FAM184B: variants seen among roughly 807,000 people sequenced by gnomAD.
FAM184B encodes the protein protein FAM184B.
In FAM184B, 111 loss-of-function variants were observed where a neutral mutation model predicts 135.9. That is an observed-to-expected ratio of 0.82 (90% confidence interval 0.70 to 0.96). The LOEUF is 0.96. Ranked by LOEUF, FAM184B falls within the 40% of genes least tolerant of loss-of-function variation. The pLI, the probability that FAM184B is intolerant of heterozygous loss-of-function variation, is 0.00. For missense variants in FAM184B, 1,375 were observed against 1,323.9 expected (o/e 1.04, Z -0.60); for synonymous variants, 552 against 524.8 (o/e 1.05, Z -0.71).
intron 1 of FAM184B, among the ~76,000 whole-genome samples, chr4:17,729,498 C>G (rs1717723528): frequency 6.6e-6 from 1 of 152,218 alleles, no homozygotes; most frequent in Admixed American, 6.5e-5. Context: ...AGGCACCCCC[C>G]AGTAGGGGCA....
At chr4:17,746,341 A>T (rs1383326664) in intron 1 of FAM184B, among the ~76,000 whole-genome samples, 1 of 152,154 alleles carries the variant, frequency 6.6e-6, no homozygotes, top group Non-Finnish European at 1.5e-5. Context: ...GACTGGCTGA[A>T]AACTCTACAC....
intron 1 of FAM184B, among the ~76,000 whole-genome samples, chr4:17,748,103 G>GAAAAAAAA (rs58795222): frequency 1.6e-4 from 11 of 70,304 alleles, no homozygotes; most frequent in African/African-American, 5.4e-4. Context: ...GACTCCGTCT[G>GAAAAAAAA]AAAAAAAAAA....
chr4:17,718,181 T>C (rs924624796), intron 1 of FAM184B, among the ~76,000 whole-genome samples: 11 of 152,326 alleles, frequency 7.2e-5, no homozygotes, highest in Non-Finnish European at 1.5e-4. Context: ...ACAGCACTCT[T>C]AAGCACTTAA....
intron 1 of FAM184B, among the ~76,000 whole-genome samples, chr4:17,724,395 G>A (rs1195271929): frequency 6.6e-6 from 1 of 152,158 alleles, no homozygotes; most frequent in African/African-American, 2.4e-5. Flanking sequence ...AGAAGCCTGG[G>A]ACACAGCCCT....
chr4:17,639,127 C>G lies in FAM184B; in HGVS notation c.2666+123G>C, dbSNP rs773738996. On this transcript the variant is annotated intron_variant, in intron 14 of 17. Coordinates refer to ENST00000265018, the MANE Select transcript of FAM184B (RefSeq NM_015688.2). ...GGATTCCAGGCATGAGCCACCGTGC[C>G]TGGCCAGAACCCAGGACTTTCAATT... The G allele has an allele frequency of 4.9e-5, 51 of 1,030,624 alleles. 2 individuals carry two copies. The East Asian group carries it at 7.6e-4, about 15-fold the overall frequency. The allele number at this position is 1,030,624 out of a possible 1,614,324, so 63.8% of individuals were successfully genotyped here.
At chr4:17,659,087 A>G (rs953186205) in intron 9 of FAM184B, among the ~76,000 whole-genome samples, 5 of 151,614 alleles carry the variant, frequency 3.3e-5, no homozygotes, top group Non-Finnish European at 7.4e-5. Context: ...TAAAATATAC[A>G]TATCATTATA....
intron 7 of FAM184B, among the ~76,000 whole-genome samples, chr4:17,676,157 C>T (rs1309866594): frequency 6.6e-6 from 1 of 152,206 alleles, no homozygotes; most frequent in African/African-American, 2.4e-5. Flanking sequence ...AGATATGCAA[C>T]TCTTCTTTTC....
chr4:17,766,084 G>T (rs150191953), intron 1 of FAM184B, among the ~76,000 whole-genome samples: 1 of 152,180 alleles, frequency 6.6e-6, no homozygotes, highest in Non-Finnish European at 1.5e-5. Context: ...GTAAGCCACA[G>T]GAAGATTTAT....
At position 17,636,513 on chromosome 4, in the gene FAM184B, C is replaced by G. The variant is rs746563665; in HGVS notation, c.2784+15G>C. On this transcript the variant is annotated intron_variant, in intron 15 of 17. Coordinates refer to ENST00000265018, the MANE Select transcript of FAM184B (RefSeq NM_015688.2). ...CGGCCAGGTGCGTGGGTGAGGCGCCCCCTGACAGCCTCACCGTGAGCTGCT... is the reference window on the plus strand; with the variant it reads ...CGGCCAGGTGCGTGGGTGAGGCGCCGCCTGACAGCCTCACCGTGAGCTGCT... 5 of 1,546,750 alleles carry G rather than the reference C, an allele frequency of 3.2e-6. No individual in the cohort carries two copies. Among genetic ancestry groups the G allele is most frequent in the East Asian group, 2.4e-5 (1 of 40,856 alleles).
chr4:17,766,158 T>G (rs565783671), intron 1 of FAM184B, among the ~76,000 whole-genome samples: 8 of 152,342 alleles, frequency 5.3e-5, no homozygotes, highest in Non-Finnish European at 1.2e-4. Flanking sequence ...GGCAGCCTGC[T>G]TTTATTCCCT....
chr4:17,634,568 C>T (rs1715066333), intron 16 of FAM184B, among the ~76,000 whole-genome samples: 1 of 152,178 alleles, frequency 6.6e-6, no homozygotes. Context: ...AAGTGATCCA[C>T]CCACCTCGGC....
intron 7 of FAM184B, among the ~76,000 whole-genome samples, chr4:17,666,939 T>A (rs1349925305): frequency 6.6e-6 from 1 of 151,822 alleles, no homozygotes; most frequent in Admixed American, 6.6e-5. Flanking sequence ...ACACCCACTT[T>A]TTTTTTTGTT....
At chr4:17,753,178 T>C (rs901662303) in intron 1 of FAM184B, among the ~76,000 whole-genome samples, 1 of 152,224 alleles carries the variant, frequency 6.6e-6, no homozygotes, top group Non-Finnish European at 1.5e-5. Flanking sequence ...TGGACCTCCA[T>C]TACCTCACAC....
intron 7 of FAM184B, among the ~76,000 whole-genome samples, chr4:17,680,689 T>A (rs1381430497): frequency 6.6e-6 from 1 of 152,170 alleles, no homozygotes; most frequent in African/African-American, 2.4e-5. Flanking sequence ...ATGAATAGTG[T>A]GCACGGAAAA....
chr4:17,658,561 A>G lies in FAM184B; in HGVS notation c.1826T>C (p.Val609Ala). 1 of 1,550,430 alleles carries G rather than the reference A, an allele frequency of 6.4e-7. No individual in the cohort carries two copies. Among genetic ancestry groups the G allele is most frequent in the South Asian group, 1.2e-5 (1 of 84,012 alleles). Residue 609 changes from valine to alanine, a missense_variant and splice_region_variant, in exon 10 of 18, where the codon GTC becomes GCC. Coordinates refer to ENST00000265018, the MANE Select transcript of FAM184B (RefSeq NM_015688.2). The stretch of plus-strand genomic sequence containing the variant: ...CTCCAGAGCCTGCTGCATCTGTGAG[A>G]CCTGCGCACAAGGCATCCTGCCCTC... Reference protein sequence around the residue: ...QSQKAKLQAQVSQMQQALEQC... With the variant: ...QSQKAKLQAQASQMQQALEQC...
chr4:17,776,012 G>A (rs962717740), intron 1 of FAM184B, among the ~76,000 whole-genome samples: 8 of 152,028 alleles, frequency 5.3e-5, no homozygotes, highest in Non-Finnish European at 8.8e-5. Context: ...AAATAAATAC[G>A]TATTTTAGAA....
intron 11 of FAM184B, among the ~76,000 whole-genome samples, chr4:17,651,537 C>CAAAAAAAAAA (rs751455835): frequency 6.3e-4 from 27 of 43,060 alleles, no homozygotes; most frequent in South Asian, 1.8e-3. Context: ...GACTCTGTCT[C>CAAAAAAAAAA]AAAAAAAAAA....
intron 13 of FAM184B, among the ~76,000 whole-genome samples, chr4:17,641,344 G>A (rs1416103082): frequency 6.6e-6 from 1 of 151,962 alleles, no homozygotes; most frequent in Admixed American, 6.6e-5. Context: ...AGAAGACACC[G>A]CATGGTCTGA....
chr4:17,638,134 C>CTTTTTTTTTTTTTTTTTTTTTTTT (rs56926847), intron 14 of FAM184B, among the ~76,000 whole-genome samples: 1 of 73,410 alleles, frequency 1.4e-5, no homozygotes, highest in African/African-American at 4.6e-5. Flanking sequence ...TAACTGTTTG[C>CTTTTTTTTTTTTTTTTTTTTTTTT]TTTTTTTTTT....
Sources: gnomAD v4.1 joint callset for allele counts (sites outside exome capture counted in the v4.1 genomes callset) on GRCh38, gnomAD v4.1.1 for gene constraint, MANE v1.5 for transcripts, NCBI Gene and HGNC (gene_info 2026-07-23, HGNC 2026-07-21) for gene names.